Variants in SORCS1 observed in about 807,000 individuals in gnomAD.
SORCS1 encodes sortilin related VPS10 domain containing receptor 1.
Under a neutral mutation model 146.1 loss-of-function variants are expected in SORCS1, and 60 were observed. The observed-to-expected ratio is 0.41, with a 90% CI of 0.33 to 0.51. SORCS1 has a LOEUF of 0.51. SORCS1 is among the 20% of genes least tolerant of loss of function. SORCS1 has a pLI of 0.21. For synonymous variants in SORCS1, 637 were observed against 584.0 expected (o/e 1.09, Z -1.31); for missense variants, 1,352 against 1,487.6 (o/e 0.91, Z 1.50).
intron 6 of SORCS1, among the ~76,000 whole-genome samples, chr10:106,715,531 T>C (rs996634254): frequency 3.3e-5 from 5 of 152,234 alleles, no homozygotes; most frequent in African/African-American, 2.4e-5. Flanking sequence ...CTCCAAACGC[T>C]GATCTAGAAA....
At chr10:106,800,791 G>C (rs822001) in intron 3 of SORCS1, among the ~76,000 whole-genome samples, 2 of 151,740 alleles carry the variant, frequency 1.3e-5, no homozygotes, top group African/African-American at 4.8e-5. Context: ...TCTGCCTGCC[G>C]CAGTCTCCCA....
chr10:106,999,816 G>A (rs527832556), intron 1 of SORCS1, among the ~76,000 whole-genome samples: 24 of 152,286 alleles, frequency 1.6e-4, no homozygotes, highest in African/African-American at 5.3e-4. Context: ...TTTCTGAAGT[G>A]TAACAGGATA....
At chr10:106,885,782 G>T (rs1192307681) in intron 2 of SORCS1, among the ~76,000 whole-genome samples, 1 of 152,144 alleles carries the variant, frequency 6.6e-6, no homozygotes, top group African/African-American at 2.4e-5. Context: ...TAAATCACGG[G>T]AATGGTTTCC....
chr10:106,812,993 AATC>A (rs1214166122), intron 3 of SORCS1, among the ~76,000 whole-genome samples: 5 of 152,158 alleles, frequency 3.3e-5, no homozygotes, highest in Admixed American at 2.0e-4. Context: ...CTTCTCCAAG[AATC>A]ATCATTTAGG....
intron 1 of SORCS1, among the ~76,000 whole-genome samples, chr10:107,027,149 C>T (rs561275597): frequency 8.0e-5 from 12 of 150,432 alleles, no homozygotes; most frequent in East Asian, 5.9e-4. Flanking sequence ...GAAGGCATGA[C>T]GAGAAAGAGA....
At chr10:106,891,464 T>G (rs1169329649) in intron 2 of SORCS1, among the ~76,000 whole-genome samples, 1 of 150,812 alleles carries the variant, frequency 6.6e-6, no homozygotes, top group Non-Finnish European at 1.5e-5. Context: ...TCTTGACCTA[T>G]GTCAAGACAA....
chr10:106,959,720 TCA>T (rs1417183130), intron 1 of SORCS1, among the ~76,000 whole-genome samples: 1 of 152,214 alleles, frequency 6.6e-6, no homozygotes, highest in Non-Finnish European at 1.5e-5. Context: ...GCTCTATTGC[TCA>T]GTCTGGTCTC....
At chr10:106,639,446 A>G (rs1252772647) in intron 18 of SORCS1, among the ~76,000 whole-genome samples, 1 of 152,234 alleles carries the variant, frequency 6.6e-6, no homozygotes. Flanking sequence ...GACCCTAAAG[A>G]ACAGCAATAT....
upstream of SORCS1, among the ~76,000 whole-genome samples, chr10:107,168,385 T>C (rs911603017): frequency 6.6e-6 from 1 of 152,216 alleles, no homozygotes; most frequent in East Asian, 1.9e-4. Context: ...CATTTAATTA[T>C]TTTACTTAAA....
intron 9 of SORCS1, among the ~76,000 whole-genome samples, chr10:106,696,454 C>T (rs375112526): frequency 1.6e-3 from 238 of 152,250 alleles, no homozygotes; most frequent in African/African-American, 5.2e-3. Context: ...ACGGCACTGC[C>T]GTTCTGATCA....
intron 2 of SORCS1, among the ~76,000 whole-genome samples, chr10:106,867,442 G>A (rs184765596): frequency 6.6e-6 from 1 of 151,864 alleles, no homozygotes; most frequent in Non-Finnish European, 1.5e-5. Context: ...CCACCACCAC[G>A]CCCGGCTAAT....
chr10:106,811,085 G>A (rs567287688), intron 3 of SORCS1, among the ~76,000 whole-genome samples: 20 of 151,800 alleles, frequency 1.3e-4, no homozygotes, highest in Admixed American at 1.2e-3. Flanking sequence ...GATTACAGGC[G>A]CCTACCACCA....
Position 106,980,449 on chromosome 10 carries a change from C to A in SORCS1, c.559-23869G>T, listed in dbSNP as rs72811183. Among the ~76,000 whole-genome samples the A allele has an allele frequency of 5.1e-3, 773 of 152,354 alleles. 2 individuals carry two copies. Among genetic ancestry groups the A allele is most frequent in the Non-Finnish European group, 9.0e-3 (612 of 68,036 alleles). On this transcript the variant is annotated intron_variant, in intron 1 of 25. Transcript: ENST00000263054. ...TACTGGCAAAAATACCCTGGAGCAA[C>A]TCTGTCCTGTTTATAAATTCTCAGT...
chr10:107,014,253 C>CAAAAAA (rs562179526), intron 1 of SORCS1, among the ~76,000 whole-genome samples: 13 of 79,134 alleles, frequency 1.6e-4, no homozygotes, highest in African/African-American at 3.2e-4. Context: ...GACCCTGCGT[C>CAAAAAA]AAAAAAAAAA....
In SORCS1 at chr10:106,671,370, G is replaced by A. The variant is rs1296454981; in HGVS notation, c.2059-3C>T. Reference sequence around the variant, plus strand: ...GCTCCCATGATACATGCTTCCCCCTGTAAGCAGAGAAGGATCACAGATACT... The same window carrying A: ...GCTCCCATGATACATGCTTCCCCCTATAAGCAGAGAAGGATCACAGATACT... On this transcript the variant is annotated splice_region_variant and splice_polypyrimidine_tract_variant and intron_variant, in intron 15 of 25. Transcript: ENST00000263054. 6.2e-7 allele frequency: 1 copy of A among 1,613,906 alleles called. No individual in the cohort carries two copies. The highest frequency in any genetic ancestry group is 8.5e-7 in the Non-Finnish European group (1 of 1,179,930).
At chr10:106,864,593 G>A (rs1043163735) in intron 2 of SORCS1, among the ~76,000 whole-genome samples, 1 of 152,106 alleles carries the variant, frequency 6.6e-6, no homozygotes, top group African/African-American at 2.4e-5. Flanking sequence ...TCAGGAAAAG[G>A]CTGAATCCAG....
In SORCS1 at chr10:106,699,211, T is replaced by A; in HGVS notation, c.1413+3A>T. 6.2e-7 allele frequency: 1 copy of A among 1,607,532 alleles called. No homozygotes were observed. The highest frequency in any genetic ancestry group is 2.2e-5 in the East Asian group (1 of 44,690). The stretch of plus-strand genomic sequence containing the variant: ...TTAGGACCACATATGCCTCGTGACA[T>A]ACCTCATAGAGGTCGATCATGATGT... On this transcript the variant is annotated splice_donor_region_variant and intron_variant, in intron 9 of 25. Coordinates refer to ENST00000263054, the MANE Select transcript of SORCS1 (RefSeq NM_052918.5).
intron 1 of SORCS1, among the ~76,000 whole-genome samples, chr10:107,145,371 C>A (rs780746278): frequency 6.6e-6 from 1 of 152,144 alleles, no homozygotes. Context: ...CGTCAGTCAT[C>A]CCAGACTGGC....
intron 6 of SORCS1, among the ~76,000 whole-genome samples, chr10:106,722,565 G>A (rs942930985): frequency 6.6e-6 from 1 of 152,152 alleles, no homozygotes; most frequent in African/African-American, 2.4e-5. Flanking sequence ...AAAGGGCCAA[G>A]GTTTGTTGTT....
Sources: gnomAD v4.1 joint callset for allele counts (sites outside exome capture counted in the v4.1 genomes callset) on GRCh38, gnomAD v4.1.1 for gene constraint, MANE v1.5 for transcripts, NCBI Gene and HGNC (gene_info 2026-07-23, HGNC 2026-07-21) for gene names.